The following FAM83B variants were observed in gnomAD, a reference collection of about 807,000 sequenced individuals.
FAM83B encodes protein FAM83B.
FAM83B carries 26 observed loss-of-function variants against 38.8 expected under a neutral mutation model. That is an observed-to-expected ratio of 0.67 (90% CI 0.49 to 0.93). The LOEUF (loss-of-function observed/expected upper bound fraction) is 0.93, where lower values mean the gene tolerates loss of function less well. FAM83B is among the 40% of genes least tolerant of loss of function. The pLI is 0.00. For synonymous variants in FAM83B, 419 were observed against 423.1 expected, an observed-to-expected ratio of 0.99 and a Z score of 0.12; for missense variants, 1,237 against 1,197.3, an observed-to-expected ratio of 1.03 and a Z score of -0.49.
chr6:54,924,298 A>G (rs1248772210), intron 2 of FAM83B, among the ~76,000 whole-genome samples: 1 of 151,844 alleles, frequency 6.6e-6, no homozygotes, highest in Non-Finnish European at 1.5e-5. Flanking sequence ...GTACATGATG[A>G]TTACACACAA....
intron 2 of FAM83B, among the ~76,000 whole-genome samples, chr6:54,919,323 G>A (rs1016770968): frequency 3.9e-5 from 6 of 151,922 alleles, no homozygotes; most frequent in African/African-American, 1.4e-4. Context: ...TATTTTTGTG[G>A]TATTAAGTAT....
intron 2 of FAM83B, among the ~76,000 whole-genome samples, chr6:54,917,913 T>C (rs1773082527): frequency 6.6e-6 from 1 of 152,268 alleles, no homozygotes; most frequent in East Asian, 1.9e-4. Context: ...CAGATGTATC[T>C]GTTTTTACTC....
At chr6:54,865,871 A>G (rs571235446) in intron 1 of FAM83B, among the ~76,000 whole-genome samples, 1 of 152,048 alleles carries the variant, frequency 6.6e-6, no homozygotes, top group Non-Finnish European at 1.5e-5. Flanking sequence ...TAATGGTATG[A>G]AAAAACATCT....
At chr6:54,915,524 T>TAACTCATCCTATGTATACAAACAC (rs1293855380) in intron 2 of FAM83B, among the ~76,000 whole-genome samples, 6 of 141,060 alleles carry the variant, frequency 4.3e-5, no homozygotes, top group African/African-American at 8.9e-5. Context: ...CTCACATTTC[T>TAACTCATCCTATGTATACAAACAC]GGCCGGGCGC....
At chr6:54,898,852 G>A (rs1772595028) in intron 2 of FAM83B, among the ~76,000 whole-genome samples, 1 of 152,020 alleles carries the variant, frequency 6.6e-6, no homozygotes, top group Non-Finnish European at 1.5e-5. Flanking sequence ...ACTGTTTCAG[G>A]AACTTTTTAA....
chr6:54,891,170 G>A (rs1477758457), intron 2 of FAM83B, among the ~76,000 whole-genome samples: 1 of 151,924 alleles, frequency 6.6e-6, no homozygotes, highest in Non-Finnish European at 1.5e-5. Flanking sequence ...TCCATAAAGG[G>A]CTCTACTTCC....
chr6:54,904,691 G>T (rs1186883941), intron 2 of FAM83B, among the ~76,000 whole-genome samples: 1 of 152,170 alleles, frequency 6.6e-6, no homozygotes, highest in Admixed American at 6.5e-5. Context: ...AGATACTAAG[G>T]TTAGTAGATG....
intron 2 of FAM83B, 40 bp downstream of exon 2, chr6:54,870,730 T>G: frequency 6.6e-7 from 1 of 1,515,074 alleles, no homozygotes. Flanking sequence ...ATTTGAAACA[T>G]GTAGAAAAGT....
At chr6:54,850,985 T>G in intron 1 of FAM83B, among the ~76,000 whole-genome samples, 1 of 128,366 alleles carries the variant, frequency 7.8e-6, no homozygotes, top group South Asian at 2.5e-4. Flanking sequence ...GCCACTGCAC[T>G]CCAGCCTGGG....
intron 2 of FAM83B, among the ~76,000 whole-genome samples, chr6:54,917,322 CA>C (rs1364841586): frequency 1.3e-5 from 2 of 152,264 alleles, no homozygotes; most frequent in African/African-American, 4.8e-5. Context: ...TTAATAATTA[CA>C]AAACACGTGT....
chr6:54,938,219 A>G (rs1773563986), intron 4 of FAM83B, among the ~76,000 whole-genome samples: 1 of 152,118 alleles, frequency 6.6e-6, no homozygotes, highest in Non-Finnish European at 1.5e-5. Context: ...TTTATGGTTG[A>G]GTAGTATTCC....
intron 4 of FAM83B, among the ~76,000 whole-genome samples, chr6:54,934,053 G>A (rs540290723): frequency 2.4e-4 from 37 of 152,176 alleles, no homozygotes; most frequent in African/African-American, 7.5e-4. Context: ...TCAATTGGTC[G>A]CTAGCATTTC....
At chr6:54,901,892 C>T (rs2127582393) in intron 2 of FAM83B, among the ~76,000 whole-genome samples, 1 of 152,186 alleles carries the variant, frequency 6.6e-6, no homozygotes, top group East Asian at 1.9e-4. Context: ...CCCTATTTTT[C>T]CTCCTTTTCA....
chr6:54,935,612 C>A (rs187579367), intron 4 of FAM83B, among the ~76,000 whole-genome samples: 16 of 152,114 alleles, frequency 1.1e-4, no homozygotes, highest in African/African-American at 3.6e-4. Flanking sequence ...AGGTAAGGAG[C>A]CTGAATTTTC....
At chr6:54,934,172 G>A (rs763312986) in intron 4 of FAM83B, among the ~76,000 whole-genome samples, 47 of 152,116 alleles carry the variant, frequency 3.1e-4, no homozygotes, top group African/African-American at 9.6e-4. Flanking sequence ...TTGTGTTTTC[G>A]GAAGTATTTT....
chr6:54,859,332 T>A (rs1581881982), intron 1 of FAM83B, among the ~76,000 whole-genome samples: 1 of 152,310 alleles, frequency 6.6e-6, no homozygotes, highest in East Asian at 1.9e-4. Flanking sequence ...AGTGCTGGGA[T>A]TACCAGCATG....
At chr6:54,907,276 G>A (rs557952314) in intron 2 of FAM83B, among the ~76,000 whole-genome samples, 91 of 151,954 alleles carry the variant, frequency 6.0e-4, no homozygotes, top group Non-Finnish European at 1.0e-3. Context: ...CAATCAAATG[G>A]TATTTAAGAA....
chr6:54,866,170 T>C (rs930895488), intron 1 of FAM83B, among the ~76,000 whole-genome samples: 6 of 151,420 alleles, frequency 4.0e-5, no homozygotes, highest in Non-Finnish European at 8.8e-5. Context: ...AATTTGACCC[T>C]ACAGATGAAC....
At chr6:54,884,634 A>G (rs565242476) in intron 2 of FAM83B, among the ~76,000 whole-genome samples, 6 of 152,114 alleles carry the variant, frequency 3.9e-5, no homozygotes, top group East Asian at 1.9e-4. Context: ...CTGCTGTGTC[A>G]TAACTCAAGT....
Sources: allele counts gnomAD v4.1 joint callset (sites outside exome capture counted in the v4.1 genomes callset), GRCh38; gene constraint gnomAD v4.1.1; transcripts MANE v1.5; gene names NCBI Gene and HGNC (gene_info 2026-07-23, HGNC 2026-07-21).